The following RHOC variants were observed in gnomAD, a reference collection of about 807,000 sequenced individuals.
RHOC encodes the protein ras homolog family member C, also known as rho-related GTP-binding protein RhoC.
Under a neutral mutation model 19.5 loss-of-function variants are expected in RHOC, and 13 were observed. The ratio of observed to expected loss-of-function variants is 0.67; its 90% CI spans 0.43 to 1.06. The LOEUF is 1.06. RHOC is among the 50% of genes least tolerant of loss of function. The pLI is 0.00. For missense variants in RHOC, 173 were observed against 256.9 expected (o/e 0.67, Z 2.23); for synonymous variants, 106 against 97.3 (o/e 1.09, Z -0.52).
chr1:112,703,129 AG>A lies in RHOC; in HGVS notation c.157-11del, dbSNP rs773955874. On this transcript the variant is annotated splice_polypyrimidine_tract_variant and intron_variant, in intron 3 of 5. Transcript: ENST00000339083. ...ACAGAGCCAGCTCCACCTGACACAC[AG>A]GGCCAGTGAGTAGCTGGCCTGAGGG... 9 of 1,613,636 alleles carry A rather than the reference AG, an allele frequency of 5.6e-6. No homozygotes were observed. The highest frequency in any genetic ancestry group is 7.6e-6 in the Non-Finnish European group (9 of 1,179,930).
At chr1:112,705,272 G>C in intron 1 of RHOC, 104 bp from the exon 2 acceptor site, 20 of 670,392 alleles carry the variant, frequency 3.0e-5, no homozygotes, top group East Asian at 2.8e-5. Flanking sequence ...GAGCAGTTAA[G>C]AAAGCGACGG....
In RHOC at chr1:112,701,366, TGGGA is replaced by T; in HGVS notation, c.*170_*173del. On this transcript the variant is annotated 3_prime_UTR_variant, in exon 6 of 6. Coordinates refer to ENST00000339083, the MANE Select transcript of RHOC (RefSeq NM_175744.5). ...GGCATAGGCGTGGCTCCCAGAGCGC[TGGGA>T]GGGAGGGCCCGTGCCACCACCTCGG... 2 of 1,514,334 alleles carry T rather than the reference TGGGA, an allele frequency of 1.3e-6. No homozygotes were observed. The highest frequency in any genetic ancestry group is 2.6e-5 in the South Asian group (2 of 78,178). 93.8% of individuals were successfully genotyped at this position (1,514,334 alleles called of 1,614,324 possible).
In RHOC at chr1:112,701,758, A is replaced by C. The variant is rs771816458; in HGVS notation, c.409-45T>G. 4 of 1,597,130 alleles carry C rather than the reference A, an allele frequency of 2.5e-6. No individual in the cohort carries two copies. In the East Asian group the frequency reaches 8.9e-5, roughly 36 times the overall value. On this transcript the variant is annotated intron_variant, in intron 5 of 5. Coordinates refer to ENST00000339083, the MANE Select transcript of RHOC (RefSeq NM_175744.5). ...GGGGTCAAAGGAAGCTGTTGACTAC[A>C]TGAACCTCTCCTGCCTCACCCATAA...
chr1:112,703,225 G>T, intron 3 of RHOC, 106 bp from the exon 4 acceptor site: 1 of 1,255,902 alleles, frequency 8.0e-7, no homozygotes, highest in Non-Finnish European at 1.1e-6. Flanking sequence ...CTTTATTTGA[G>T]CACCTGCTAT....
rs1557780925 is a variant in RHOC, at chr1:112,706,509, CACA to C, written c.-77+566_-77+568del. Among the ~76,000 whole-genome samples the C allele has an allele frequency of 1.0e-4, 8 of 79,434 alleles. 1 individual carries two copies. The highest frequency in any genetic ancestry group is 3.4e-4 in the African/African-American group (8 of 23,266). 52.1% of individuals were successfully genotyped at this position (79,434 alleles called of 152,430 possible). A position where few individuals can be genotyped will look rare whatever the true frequency, so the allele number is the denominator to read the frequency against. On this transcript the variant is annotated intron_variant, in intron 1 of 5. Transcript: ENST00000339083. Reference sequence around the variant, plus strand: ...ACACACACACACACACACACACACACACACACACACACACACACACACACACAC... The same window carrying C: ...ACACACACACACACACACACACACACCACACACACACACACACACACACAC...
chr1:112,701,904 A>G (rs1187775410), intron 5 of RHOC, among the ~76,000 whole-genome samples, 191 bp from the exon 6 acceptor site: 1 of 151,706 alleles, frequency 6.6e-6, no homozygotes, highest in Non-Finnish European at 1.5e-5. Context: ...TACTCCCTCC[A>G]TTCCCATGCA....
chr1:112,703,215 C>T, intron 3 of RHOC, 96 bp from the exon 4 acceptor site: 6 of 1,417,564 alleles, frequency 4.2e-6, no homozygotes, highest in South Asian at 1.2e-5. Context: ...CACTGAACTT[C>T]TTTATTTGAG....
In RHOC at chr1:112,705,180, G is replaced by A. The variant is rs566162532; in HGVS notation, c.-76-12C>T. 1 of 702,494 alleles carries A rather than the reference G, an allele frequency of 1.4e-6. No individual in the cohort carries two copies. Among genetic ancestry groups the A allele is most frequent in the African/African-American group, 1.7e-5 (1 of 57,370 alleles). 43.5% of individuals were successfully genotyped at this position (702,494 alleles called of 1,614,324 possible). ...AGATGAAGTCAAGGCTGTTGGGAAG[G>A]GGGAGGGGGCTAGAGTCTGGGCTGG... On this transcript the variant is annotated splice_polypyrimidine_tract_variant and intron_variant, in intron 1 of 5. Coordinates refer to ENST00000339083, the MANE Select transcript of RHOC (RefSeq NM_175744.5).
intron 1 of RHOC, among the ~76,000 whole-genome samples, chr1:112,706,503 CACACACACACACA>C (rs1674891837): frequency 3.2e-5 from 2 of 61,572 alleles, no homozygotes; most frequent in Admixed American, 4.1e-4. Flanking sequence ...CACACACACA[CACACACACACACA>C]CACACACACA....
Position 112,701,278 on chromosome 1 carries a change from T to G in RHOC, c.*262A>C. 1.1e-6 allele frequency: 1 copy of G among 891,132 alleles called. No individual in the cohort carries two copies. The highest frequency in any genetic ancestry group is 1.7e-6 in the Non-Finnish European group (1 of 593,734). The allele number at this position is 891,132 out of a possible 1,614,324, so 55.2% of individuals were successfully genotyped here. ...GCCAGAAGTGTATAAAGTGCTGGTG[T>G]GTGACCATCCTTTGGGGAAGGTCAA... On this transcript the variant is annotated 3_prime_UTR_variant, in exon 6 of 6. Transcript: ENST00000339083.
chr1:112,705,563 ACT>A (rs1307018055), intron 1 of RHOC: 5 of 471,584 alleles, frequency 1.1e-5, no homozygotes, highest in Admixed American at 4.7e-5. Flanking sequence ...CACAAAACGG[ACT>A]CTCTCTGATT....
chr1:112,703,791 T>G lies in RHOC; in HGVS notation c.9A>C (p.Ala3=). Residue 3 remains alanine, a synonymous_variant, in exon 3 of 6, where the codon GCA becomes GCC. Transcript: ENST00000339083. Reference sequence around the variant, plus strand: ...CAACGATCACCAGCTTCTTTCGGATTGCAGCCATGGTGGGGCTGCCAGGAA... The same window carrying G: ...CAACGATCACCAGCTTCTTTCGGATGGCAGCCATGGTGGGGCTGCCAGGAA... MA[A]IRKKLVIVGD... is the part of the protein sequence containing the mutation. 6.2e-7 allele frequency: 1 copy of G among 1,611,274 alleles called. No individual in the cohort carries two copies. The highest frequency in any genetic ancestry group is 1.1e-5 in the South Asian group (1 of 89,916).
In RHOC at chr1:112,705,509, G is replaced by C. The variant is rs147295622; in HGVS notation, c.-76-341C>G. ...CTGTTGGTTTTGTGGACATGAGTCAGAGAATTTACAGGAGTTCAAAGTACA... is the reference window on the plus strand; with the variant it reads ...CTGTTGGTTTTGTGGACATGAGTCACAGAATTTACAGGAGTTCAAAGTACA... On this transcript the variant is annotated intron_variant, in intron 1 of 5. Transcript: ENST00000339083. 2.2e-4 allele frequency: 112 copies of C among 520,100 alleles called. 1 individual carries two copies. In the East Asian group the frequency reaches 4.9e-3, roughly 23 times the overall value. The allele number at this position is 520,100 out of a possible 1,614,324, so 32.2% of individuals were successfully genotyped here. A position where few individuals can be genotyped will look rare whatever the true frequency, so the allele number is the denominator to read the frequency against.
intron 4 of RHOC, 112 bp downstream of exon 4, chr1:112,702,887 T>G (rs1367178394): frequency 1.4e-6 from 2 of 1,435,930 alleles, no homozygotes; most frequent in Non-Finnish European, 1.9e-6. Context: ...AGGGCCTGAG[T>G]GCTCCCCTGC....
chr1:112,701,706 A>G lies in RHOC; in HGVS notation c.416T>C (p.Val139Ala). 6.2e-7 allele frequency: 1 copy of G among 1,613,846 alleles called. No homozygotes were observed. The highest frequency in any genetic ancestry group is 8.5e-7 in the Non-Finnish European group (1 of 1,179,992). Residue 139 changes from valine (V) to alanine (A), a missense_variant, in exon 6 of 6, where the codon GTT becomes GCT. Transcript: ENST00000339083. ...RELAKMKQEP[V>A]RSEEGRDMAN... ...CATGTCCCGGCCTTCCTCAGACCGA[A>G]CGGGCTCCTGAGAAGACATAAGATG...
Position 112,703,738 on chromosome 1 carries a change from A to T in RHOC, c.62T>A (p.Leu21His). The T allele has an allele frequency of 6.2e-7, 1 of 1,613,114 alleles. No individual in the cohort carries two copies. Among genetic ancestry groups the T allele is most frequent in the Non-Finnish European group, 8.5e-7 (1 of 1,179,692 alleles). ...CTGATCCTTGCTGAAGACGATGAGGAGGCAGGTCTTCCCACAGGCACCATC... is the reference window on the plus strand; with the variant it reads ...CTGATCCTTGCTGAAGACGATGAGGTGGCAGGTCTTCCCACAGGCACCATC... ...VGDGACGKTC[L>H]LIVFSKDQFP... The change falls in exon 3 of 6, where the codon CTC becomes CAC. Residue 21 changes from leucine (L) to histidine (H), a missense_variant. By Grantham distance (99) the Leu-to-His change is moderately conservative. This residue lies in a region of RHOC where 92 missense variants were observed against 171.1 expected (regional missense o/e 0.54). Transcript: ENST00000339083.
At chr1:112,706,499 CACACACACA>C (rs1557780864) in intron 1 of RHOC, among the ~76,000 whole-genome samples, 9 of 59,910 alleles carry the variant, frequency 1.5e-4, no homozygotes, top group African/African-American at 5.3e-4. Flanking sequence ...CACACACACA[CACACACACA>C]CACACACACA....
rs1557780422 is a variant in RHOC, at chr1:112,706,434, CA to C, written c.-77+643del. Among the ~76,000 whole-genome samples, 65 of 28,836 alleles carry C rather than the reference CA, an allele frequency of 2.3e-3. 2 individuals carry two copies. The highest frequency in any genetic ancestry group is 7.3e-3 in the African/African-American group (61 of 8,354). 18.9% of individuals were successfully genotyped at this position (28,836 alleles called of 152,430 possible). A position where few individuals can be genotyped will look rare whatever the true frequency, so the allele number is the denominator to read the frequency against. ...TTCTCTCTCTCTCTCTCTCTCTACA[CA>C]CACACACACACACACACACACACAC... On this transcript the variant is annotated intron_variant, in intron 1 of 5. Transcript: ENST00000339083.
chr1:112,702,862 G>C (rs1674703375), intron 4 of RHOC, 137 bp downstream of exon 4: 1 of 1,374,620 alleles, frequency 7.3e-7, no homozygotes, highest in African/African-American at 1.4e-5. Context: ...AGTTACCACA[G>C]TAAAGGAGAC....
Sources: gnomAD v4.1 joint callset for allele counts (sites outside exome capture counted in the v4.1 genomes callset) on GRCh38, gnomAD v4.1.1 for gene constraint, gnomAD v4.1.1 regional missense constraint, MANE v1.5 for transcripts, NCBI Gene and HGNC (gene_info 2026-07-23, HGNC 2026-07-21) for gene names.